USP25: variants seen among roughly 807,000 people sequenced by gnomAD.
USP25 encodes ubiquitin specific peptidase 25.
In USP25, 85 loss-of-function variants were observed where a neutral mutation model predicts 158.5. The observed-to-expected ratio is 0.54, with a 90% CI of 0.45 to 0.64. The LOEUF is 0.64. USP25 is among the 30% of genes least tolerant of loss of function. The pLI is 0.00. For missense variants in USP25, 1,242 were observed against 1,327.3 expected, an observed-to-expected ratio of 0.94 and a Z score of 1.00; for synonymous variants, 464 against 460.4, an observed-to-expected ratio of 1.01 and a Z score of -0.10.
intron 3 of USP25, among the ~76,000 whole-genome samples, chr21:15,769,528 C>T (rs563254888): frequency 8.2e-4 from 125 of 152,158 alleles, no homozygotes; most frequent in Non-Finnish European, 1.3e-3. Context: ...TTGTCCCTGG[C>T]TTAAATTGAG....
At chr21:15,850,141 T>C (rs932757262) in intron 20 of USP25, among the ~76,000 whole-genome samples, 12 of 152,094 alleles carry the variant, frequency 7.9e-5, no homozygotes, top group African/African-American at 2.9e-4. Context: ...GAAATTTGAA[T>C]TGTATTTTTT....
At position 15,879,487 on chromosome 21, in the gene USP25, G is replaced by A. The variant is rs559458972; in HGVS notation, c.*1012G>A. The A allele has an allele frequency of 6.6e-6, 1 of 152,442 alleles. No individual in the cohort carries two copies. The highest frequency in any genetic ancestry group is 1.9e-4 in the East Asian group (1 of 5,164). The allele number at this position is 152,442 out of a possible 1,614,324, so 9.4% of individuals were successfully genotyped here. On this transcript the variant is annotated 3_prime_UTR_variant, in exon 26 of 26. Coordinates refer to ENST00000400183, the MANE Select transcript of USP25 (RefSeq NM_001283041.3). The stretch of plus-strand genomic sequence containing the variant: ...AAACAAAATTGATGTTGTTTAACTA[G>A]AAGTTATGAGTATCTTAACTGCCTT...
At chr21:15,797,894 C>T (rs1234293477) in intron 5 of USP25, among the ~76,000 whole-genome samples, 1 of 151,164 alleles carries the variant, frequency 6.6e-6, no homozygotes, top group Non-Finnish European at 1.5e-5. Context: ...GTTTTCTTTA[C>T]AATTGACCTA....
chr21:15,817,465 T>G (rs2036999815), intron 9 of USP25, among the ~76,000 whole-genome samples: 1 of 152,174 alleles, frequency 6.6e-6, no homozygotes, highest in Non-Finnish European at 1.5e-5. Context: ...TTCAGAGACA[T>G]AAACCTGAGC....
intron 9 of USP25, among the ~76,000 whole-genome samples, chr21:15,813,184 C>CT (rs973628184): frequency 6.6e-6 from 1 of 152,160 alleles, no homozygotes; most frequent in Non-Finnish European, 1.5e-5. Context: ...GCTCCCAATC[C>CT]TATAACCCAA....
chr21:15,861,299 A>G (rs1052613248), intron 20 of USP25, among the ~76,000 whole-genome samples: 1 of 152,190 alleles, frequency 6.6e-6, no homozygotes, highest in Non-Finnish European at 1.5e-5. Context: ...AGGAAATAAG[A>G]TTGAATAAAT....
chr21:15,778,978 TAGG>T (rs1273110654), intron 4 of USP25, among the ~76,000 whole-genome samples: 1 of 152,088 alleles, frequency 6.6e-6, no homozygotes, highest in Non-Finnish European at 1.5e-5. Context: ...ACAATATCAA[TAGG>T]AGATTTCTTT....
intron 6 of USP25, among the ~76,000 whole-genome samples, chr21:15,802,762 G>A (rs910549074): frequency 8.6e-5 from 13 of 151,364 alleles, no homozygotes; most frequent in Non-Finnish European, 1.6e-4. Flanking sequence ...GAGAATAAAG[G>A]GCACGTTAAT....
chr21:15,753,016 G>A (rs572152751), intron 1 of USP25, among the ~76,000 whole-genome samples: 1 of 152,344 alleles, frequency 6.6e-6, no homozygotes, highest in South Asian at 2.1e-4. Context: ...TGGTCAGTAG[G>A]AGTTTTACTA....
chr21:15,789,920 T>C (rs1239309211), intron 4 of USP25, among the ~76,000 whole-genome samples: 2 of 152,084 alleles, frequency 1.3e-5, no homozygotes, highest in East Asian at 3.8e-4. Flanking sequence ...CATTAACCTT[T>C]CTTTTTTGAG....
chr21:15,773,495 C>T (rs773067839), intron 3 of USP25, among the ~76,000 whole-genome samples: 4 of 151,686 alleles, frequency 2.6e-5, no homozygotes, highest in Non-Finnish European at 5.9e-5. Context: ...CCTCCCAGAG[C>T]GTGAGGGAAG....
chr21:15,732,201 T>C (rs1320280862), intron 1 of USP25, among the ~76,000 whole-genome samples: 1 of 152,174 alleles, frequency 6.6e-6, no homozygotes, highest in Non-Finnish European at 1.5e-5. Flanking sequence ...ATTCAAAATA[T>C]TATCATTATG....
intron 7 of USP25, among the ~76,000 whole-genome samples, chr21:15,808,546 T>TTGTG (rs35849786): frequency 0.029 from 4,281 of 148,436 alleles, 91 homozygotes; most frequent in East Asian, 0.071. Flanking sequence ...TGGTTTTTGA[T>TTGTG]TGTGTGTGTG....
At chr21:15,779,262 G>A (rs927713015) in intron 4 of USP25, among the ~76,000 whole-genome samples, 1 of 151,950 alleles carries the variant, frequency 6.6e-6, no homozygotes, top group African/African-American at 2.4e-5. Context: ...GAAATTATAT[G>A]AATTGGGCTT....
Position 15,762,974 on chromosome 21 carries a change from G to T in USP25, c.123+6G>T. On this transcript the variant is annotated splice_donor_region_variant and intron_variant, in intron 2 of 25. Transcript: ENST00000400183. ...TACTACAGCAAGCCTTGAAGGTATG[G>T]CCTCTGTTTTATGATATACAGTTTG... is the stretch of plus-strand genomic sequence containing the variant. 1.2e-6 allele frequency: 2 copies of T among 1,609,142 alleles called. No individual in the cohort carries two copies. Among genetic ancestry groups the T allele is most frequent in the Non-Finnish European group, 1.7e-6 (2 of 1,177,828 alleles).
intron 3 of USP25, among the ~76,000 whole-genome samples, chr21:15,775,271 T>C (rs183367602): frequency 1.9e-3 from 290 of 152,364 alleles, no homozygotes; most frequent in Middle Eastern, 6.8e-3. Flanking sequence ...GTTTCGGCTA[T>C]AGCCCATTTG....
At chr21:15,847,629 T>G in intron 18 of USP25, 34 bp from the exon 19 acceptor site, 1 of 1,441,970 alleles carries the variant, frequency 6.9e-7, no homozygotes, top group African/African-American at 1.4e-5. Context: ...CTGTTCTCTT[T>G]TCTAATGTTT....
At chr21:15,856,185 G>A (rs1455441612) in intron 20 of USP25, among the ~76,000 whole-genome samples, 1 of 152,064 alleles carries the variant, frequency 6.6e-6, no homozygotes, top group Admixed American at 6.6e-5. Context: ...ATTAATTAGA[G>A]TTATTAGTAT....
intron 9 of USP25, among the ~76,000 whole-genome samples, chr21:15,812,065 A>G (rs1251711504): frequency 6.6e-6 from 1 of 151,822 alleles, no homozygotes; most frequent in Non-Finnish European, 1.5e-5. Context: ...ACATGTTCGT[A>G]CGTTTTTGTT....
Sources: allele counts gnomAD v4.1 joint callset (sites outside exome capture counted in the v4.1 genomes callset), GRCh38; gene constraint gnomAD v4.1.1; transcripts MANE v1.5; gene names NCBI Gene and HGNC (gene_info 2026-07-23, HGNC 2026-07-21).